Variants in DAAM1 observed in about 807,000 individuals in gnomAD.
DAAM1 encodes the protein dishevelled associated activator of morphogenesis 1.
DAAM1 carries 52 observed loss-of-function variants against 130.0 expected under a neutral mutation model. That is an observed-to-expected ratio of 0.40 (90% confidence interval 0.32 to 0.50). The LOEUF is 0.50. Ranked by LOEUF, DAAM1 falls within the 20% of genes least tolerant of loss-of-function variation. The pLI, the probability that DAAM1 is intolerant of heterozygous loss-of-function variation, is 0.61. For synonymous variants in DAAM1, 452 were observed against 444.5 expected (o/e 1.02, Z -0.21); for missense variants, 1,134 against 1,303.8 (o/e 0.87, Z 2.01).
chr14:59,325,918 G>T, intron 9 of DAAM1, 42 bp from the exon 10 acceptor site: 1 of 1,586,134 alleles, frequency 6.3e-7, no homozygotes, highest in South Asian at 1.1e-5. Flanking sequence ...GGAAACTGAG[G>T]AACTTAGATG....
intron 1 of DAAM1, among the ~76,000 whole-genome samples, chr14:59,253,354 T>C (rs1881732319): frequency 2.6e-5 from 4 of 152,252 alleles, no homozygotes; most frequent in Non-Finnish European, 5.9e-5. Context: ...GTGAGAAAGT[T>C]GGAGGTTTCT....
At chr14:59,232,869 A>G (rs1451439354) in intron 1 of DAAM1, among the ~76,000 whole-genome samples, 5 of 151,546 alleles carry the variant, frequency 3.3e-5, no homozygotes, top group African/African-American at 9.7e-5. Flanking sequence ...CTCAGCTCCC[A>G]CTTATGAGTG....
intron 15 of DAAM1, chr14:59,338,566 C>T: frequency 3.8e-6 from 3 of 782,202 alleles, no homozygotes; most frequent in East Asian, 2.7e-5. Flanking sequence ...GATTTCAACT[C>T]TTAAATGAGT....
At chr14:59,199,007 C>T (rs1291003415) in intron 1 of DAAM1, among the ~76,000 whole-genome samples, 1 of 152,180 alleles carries the variant, frequency 6.6e-6, no homozygotes, top group Non-Finnish European at 1.5e-5. Context: ...GTGTACTCAT[C>T]AAAGTAATAT....
At chr14:59,363,975 C>A (rs1473194241) in intron 23 of DAAM1, among the ~76,000 whole-genome samples, 193 bp downstream of exon 23, 1 of 152,228 alleles carries the variant, frequency 6.6e-6, no homozygotes, top group East Asian at 1.9e-4. Flanking sequence ...ATTTCCAAGA[C>A]TGTGATTAAT....
chr14:59,262,576 A>G (rs1882218209), intron 1 of DAAM1, among the ~76,000 whole-genome samples: 1 of 152,046 alleles, frequency 6.6e-6, no homozygotes, highest in East Asian at 1.9e-4. Context: ...ATGTACTCCT[A>G]TAGCATTTTC....
chr14:59,296,547 G>A (rs554124146), intron 3 of DAAM1, among the ~76,000 whole-genome samples: 44 of 152,300 alleles, frequency 2.9e-4, no homozygotes, highest in African/African-American at 1.0e-3. Flanking sequence ...GTAATCAAAT[G>A]TTGTCATAAG....
chr14:59,281,088 C>T (rs1248395830), intron 2 of DAAM1, among the ~76,000 whole-genome samples: 1 of 152,146 alleles, frequency 6.6e-6, no homozygotes, highest in African/African-American at 2.4e-5. Context: ...CAAGAGTTGA[C>T]AGTCGACTTG....
intron 16 of DAAM1, among the ~76,000 whole-genome samples, chr14:59,343,503 A>G (rs1236231328): frequency 1.3e-5 from 2 of 152,088 alleles, no homozygotes; most frequent in African/African-American, 4.8e-5. Flanking sequence ...GAACTTCTCT[A>G]TTTCTTATCT....
chr14:59,215,156 T>G (rs938870751), intron 1 of DAAM1, among the ~76,000 whole-genome samples: 1 of 152,220 alleles, frequency 6.6e-6, no homozygotes, highest in African/African-American at 2.4e-5. Context: ...GTGGAAACCT[T>G]TCAGCCCTGA....
intron 15 of DAAM1, among the ~76,000 whole-genome samples, chr14:59,337,949 G>T (rs576091475): frequency 6.6e-6 from 1 of 152,102 alleles, no homozygotes; most frequent in East Asian, 1.9e-4. Context: ...ATGTATTTTT[G>T]GTTTTCCTAT....
intron 16 of DAAM1, among the ~76,000 whole-genome samples, chr14:59,343,561 T>TCAC (rs1409000334): frequency 5.3e-5 from 8 of 152,214 alleles, no homozygotes; most frequent in Admixed American, 3.3e-4. Context: ...ACACCAAAGT[T>TCAC]CACCACAGTG....
Position 59,368,703 on chromosome 14 carries a change from T to C in DAAM1, c.3051T>C (p.Ser1017=). The C allele has an allele frequency of 1.2e-6, 2 of 1,613,808 alleles. No individual in the cohort carries two copies. The highest frequency in any genetic ancestry group is 1.7e-6 in the Non-Finnish European group (2 of 1,179,816). Residue 1017 remains serine (S), a synonymous_variant, in exon 25 of 25, where the codon AGT becomes AGC. Transcript: ENST00000360909. ...ERKMRKAKEN[S]EESGEFDDLV... ...AAATGAGAAAAGCTAAAGAGAATAGTGAAGAAAGCGGAGAGTTTGATGACC... is the reference window on the plus strand; with the variant it reads ...AAATGAGAAAAGCTAAAGAGAATAGCGAAGAAAGCGGAGAGTTTGATGACC...
At chr14:59,284,033 C>A (rs1594799077) in intron 2 of DAAM1, among the ~76,000 whole-genome samples, 1 of 152,090 alleles carries the variant, frequency 6.6e-6, no homozygotes, top group Non-Finnish European at 1.5e-5. Context: ...TGTCGTGTAC[C>A]TTTTCCTCCC....
intron 2 of DAAM1, among the ~76,000 whole-genome samples, chr14:59,285,001 A>G (rs558412411): frequency 4.6e-5 from 7 of 152,128 alleles, no homozygotes; most frequent in Non-Finnish European, 7.4e-5. Flanking sequence ...CCTAAGACAC[A>G]TAGTCATCAG....
intron 15 of DAAM1, among the ~76,000 whole-genome samples, chr14:59,336,441 C>T (rs1298912039): frequency 6.6e-6 from 1 of 152,130 alleles, no homozygotes; most frequent in Non-Finnish European, 1.5e-5. Flanking sequence ...TCTGATTTTT[C>T]AGTGAATAAG....
rs193186107 is a variant in DAAM1, at chr14:59,357,276, C to T, written c.2525+1943C>T. ...TCTTTTAAAAAGTGAAAAAAATAGG[C>T]TCACTCTTCCTTGTGATGGCGGCTG... On this transcript the variant is annotated intron_variant, in intron 20 of 24. Coordinates refer to ENST00000360909, the MANE Select transcript of DAAM1 (RefSeq NM_001270520.2). The T allele has an allele frequency of 4.4e-3, 671 of 152,294 alleles. 2 individuals are homozygous for T. The highest frequency in any genetic ancestry group is 0.015 in the African/African-American group (633 of 41,554). The allele number at this position is 152,294 out of a possible 1,614,324, so 9.4% of individuals were successfully genotyped here.
intron 3 of DAAM1, 57 bp downstream of exon 3, chr14:59,291,363 T>C: frequency 7.3e-7 from 1 of 1,366,150 alleles, no homozygotes; most frequent in Non-Finnish European, 1.0e-6. Context: ...TTCCATTTGC[T>C]CTTCCATTTC....
intron 1 of DAAM1, among the ~76,000 whole-genome samples, chr14:59,241,522 A>G (rs940022011): frequency 6.6e-6 from 1 of 152,238 alleles, no homozygotes; most frequent in African/African-American, 2.4e-5. Context: ...GTTGTGGTGC[A>G]TGCTAGTATA....
Sources: allele counts gnomAD v4.1 joint callset (sites outside exome capture counted in the v4.1 genomes callset), GRCh38; gene constraint gnomAD v4.1.1; transcripts MANE v1.5; gene names NCBI Gene and HGNC (gene_info 2026-07-23, HGNC 2026-07-21).